SNTG2: variants seen among roughly 807,000 people sequenced by gnomAD.
The protein encoded by SNTG2 is gamma-2-syntrophin.
Under a neutral mutation model 70.9 loss-of-function variants are expected in SNTG2, and 74 were observed. The ratio of observed to expected loss-of-function variants is 1.04; its 90% CI spans 0.86 to 1.27. The LOEUF is 1.27. Ranked by LOEUF, SNTG2 falls within the 50% of genes most tolerant of loss-of-function variation. The pLI is 0.00. For missense variants in SNTG2, 717 were observed against 690.7 expected (o/e 1.04, Z -0.43); for synonymous variants, 278 against 273.8 (o/e 1.02, Z -0.15).
At chr2:1,148,349 G>A (rs905634699) in intron 6 of SNTG2, among the ~76,000 whole-genome samples, 1 of 152,176 alleles carries the variant, frequency 6.6e-6, no homozygotes, top group African/African-American at 2.4e-5. Context: ...AGCTTTTCAT[G>A]TTTGCCAGGG....
chr2:1,032,751 A>T (rs570200682), intron 1 of SNTG2, among the ~76,000 whole-genome samples: 1 of 145,294 alleles, frequency 6.9e-6, no homozygotes, highest in African/African-American at 2.5e-5. Flanking sequence ...TGGTAGATAC[A>T]CCCTTGGTGT....
At chr2:1,067,823 A>G (rs1331233410) in intron 1 of SNTG2, among the ~76,000 whole-genome samples, 2 of 152,172 alleles carry the variant, frequency 1.3e-5, no homozygotes, top group Non-Finnish European at 2.9e-5. Flanking sequence ...CCCACCCGTA[A>G]ATCATGCCTG....
intron 1 of SNTG2, among the ~76,000 whole-genome samples, chr2:1,048,705 A>G (rs1260887918): frequency 2.0e-5 from 3 of 152,206 alleles, no homozygotes; most frequent in Non-Finnish European, 4.4e-5. Context: ...GTGGAATTGC[A>G]GCTTGAATGT....
chr2:1,099,127 T>G (rs1055177781), intron 4 of SNTG2, among the ~76,000 whole-genome samples: 5 of 152,214 alleles, frequency 3.3e-5, no homozygotes, highest in Non-Finnish European at 7.3e-5. Flanking sequence ...TGCATCCTTG[T>G]GGCTGGCCTC....
intron 9 of SNTG2, among the ~76,000 whole-genome samples, chr2:1,216,310 G>A (rs1674390020): frequency 6.6e-6 from 1 of 152,208 alleles, no homozygotes; most frequent in Non-Finnish European, 1.5e-5. Context: ...GGCCAGTGAT[G>A]ATGAGCATTT....
intron 12 of SNTG2, among the ~76,000 whole-genome samples, chr2:1,256,072 C>T (rs1678102354): frequency 6.6e-6 from 1 of 150,970 alleles, no homozygotes; most frequent in Non-Finnish European, 1.5e-5. Flanking sequence ...GGTGTATTTA[C>T]AGAAACCTAG....
intron 6 of SNTG2, among the ~76,000 whole-genome samples, chr2:1,149,672 G>GT (rs1221169268): frequency 2.8e-4 from 41 of 146,502 alleles, no homozygotes; most frequent in African/African-American, 9.7e-4. Context: ...GTTGATTAGC[G>GT]TTTTTTTTTT....
intron 1 of SNTG2, among the ~76,000 whole-genome samples, chr2:1,035,217 C>T (rs1038895924): frequency 6.6e-6 from 1 of 152,144 alleles, no homozygotes; most frequent in Non-Finnish European, 1.5e-5. Flanking sequence ...TTGCTTCCTT[C>T]GTTATTGTTC....
chr2:1,134,276 G>T lies in SNTG2; in HGVS notation c.326-3346G>T, dbSNP rs542891539. On this transcript the variant is annotated intron_variant, in intron 4 of 16. Transcript: ENST00000308624. ...ACCCCAGCGGGTTGCCACTGGTGGC[G>T]CCGGGATCCTGCTTTTATTCTCTTA... 1.0e-3 allele frequency among the ~76,000 whole-genome samples: 154 copies of T among 152,260 alleles called. 2 individuals carry two copies. In the South Asian group the frequency reaches 0.019, roughly 19 times the overall value.
At chr2:1,174,609 G>A (rs1168377786) in intron 8 of SNTG2, among the ~76,000 whole-genome samples, 8 of 152,182 alleles carry the variant, frequency 5.3e-5, no homozygotes, top group Non-Finnish European at 1.2e-4. Context: ...CAAAATAACA[G>A]CAAGTTTTCT....
At chr2:1,152,966 A>G (rs1669616251) in intron 6 of SNTG2, among the ~76,000 whole-genome samples, 1 of 152,172 alleles carries the variant, frequency 6.6e-6, no homozygotes. Flanking sequence ...TCTAGTAAAA[A>G]TACAAAAATT....
intron 9 of SNTG2, among the ~76,000 whole-genome samples, chr2:1,224,507 C>G (rs1307816383): frequency 6.6e-6 from 1 of 152,148 alleles, no homozygotes; most frequent in Non-Finnish European, 1.5e-5. Flanking sequence ...CTGTGCTTAC[C>G]TCAGAGACCA....
chr2:965,586 G>A (rs1660532994), intron 1 of SNTG2, among the ~76,000 whole-genome samples: 1 of 150,904 alleles, frequency 6.6e-6, no homozygotes, highest in Non-Finnish European at 1.5e-5. Flanking sequence ...CTCCTCTGTG[G>A]CCCCCTCCTC....
intron 9 of SNTG2, among the ~76,000 whole-genome samples, chr2:1,220,729 C>G (rs1285709913): frequency 6.6e-6 from 1 of 152,254 alleles, no homozygotes; most frequent in East Asian, 1.9e-4. Context: ...TGGCATGTGT[C>G]CTACTCTGAT....
In SNTG2 at chr2:983,235, T is replaced by TCGGGA. The variant is rs1339958112; in HGVS notation, c.72+32167_72+32168insCGGGA. ...GATGCAGAAGCTGCAGAGGTGGAGG[T>TCGGGA]TGGGATGAAGAAGTTGCAGAGGTGG... On this transcript the variant is annotated intron_variant, in intron 1 of 16. Coordinates refer to ENST00000308624, the MANE Select transcript of SNTG2 (RefSeq NM_018968.4). 4.4e-4 allele frequency among the ~76,000 whole-genome samples: 63 copies of TCGGGA among 142,232 alleles called. 1 individual carries two copies. Among genetic ancestry groups the TCGGGA allele is most frequent in the Middle Eastern group, 4.1e-3 (1 of 246 alleles). The allele number at this position is 142,232 out of a possible 152,430, so 93.3% of individuals were successfully genotyped here.
At chr2:1,311,773 A>G (rs966320149) in intron 15 of SNTG2, among the ~76,000 whole-genome samples, 5 of 152,230 alleles carry the variant, frequency 3.3e-5, no homozygotes, top group African/African-American at 7.2e-5. Flanking sequence ...GTGCCTACAA[A>G]TACTTAGATT....
At chr2:1,240,471 AACTTGTAATG>A (rs1454416746) in intron 11 of SNTG2, among the ~76,000 whole-genome samples, 2 of 152,230 alleles carry the variant, frequency 1.3e-5, no homozygotes, top group Admixed American at 1.3e-4. Flanking sequence ...CTTATGATTT[AACTTGTAATG>A]TAAGGGAGTA....
At position 1,210,987 on chromosome 2, in the gene SNTG2, T is replaced by G. The variant is rs1053254764; in HGVS notation, c.719+1757T>G. ...TCACCTAATGACACAGCTCTCAGAA[T>G]GTATCCCCATCATTAAGTAACATCT... is the stretch of plus-strand genomic sequence containing the variant. On this transcript the variant is annotated intron_variant, in intron 9 of 16. Coordinates refer to ENST00000308624, the MANE Select transcript of SNTG2 (RefSeq NM_018968.4). Among the ~76,000 whole-genome samples, 5 of 152,330 alleles carry G rather than the reference T, an allele frequency of 3.3e-5. No individual in the cohort carries two copies. The East Asian group carries it at 9.7e-4, about 29-fold the overall frequency.
intron 13 of SNTG2, among the ~76,000 whole-genome samples, chr2:1,262,447 C>G (rs188139512): frequency 1.3e-5 from 2 of 152,346 alleles, no homozygotes; most frequent in Non-Finnish European, 2.9e-5. Flanking sequence ...CTGGGTTGTA[C>G]AGCCAGCAAG....
Sources: gnomAD v4.1 joint callset for allele counts (sites outside exome capture counted in the v4.1 genomes callset) on GRCh38, gnomAD v4.1.1 for gene constraint, MANE v1.5 for transcripts, NCBI Gene and HGNC (gene_info 2026-07-23, HGNC 2026-07-21) for gene names.